The following DYNC1I1 variants were observed in gnomAD, a reference collection of about 807,000 sequenced individuals.
The protein encoded by DYNC1I1 is cytoplasmic dynein 1 intermediate chain 1.
Under a neutral mutation model 86.6 loss-of-function variants are expected in DYNC1I1, and 43 were observed. The observed-to-expected ratio is 0.50, with a 90% CI of 0.39 to 0.64. The LOEUF (loss-of-function observed/expected upper bound fraction) is 0.64, where lower values mean the gene tolerates loss of function less well. Among genes scored for constraint, DYNC1I1 ranks in the 30% least tolerant of loss-of-function variants. The pLI is 0.00. For missense variants in DYNC1I1, 604 were observed against 788.8 expected, an observed-to-expected ratio of 0.77 and a Z score of 2.81; for synonymous variants, 262 against 283.7, an observed-to-expected ratio of 0.92 and a Z score of 0.77.
intron 6 of DYNC1I1, among the ~76,000 whole-genome samples, chr7:95,878,952 A>AAG (rs1246273020): frequency 4.0e-3 from 4 of 992 alleles, no homozygotes; most frequent in South Asian, 0.25. Context: ...AGAAAAGAAG[A>AAG]AAAAAAAAAA....
intron 6 of DYNC1I1, among the ~76,000 whole-genome samples, chr7:95,889,054 T>C (rs1237324230): frequency 6.6e-6 from 1 of 152,060 alleles, no homozygotes; most frequent in East Asian, 1.9e-4. Flanking sequence ...TAAATTGAAA[T>C]AGAACATGGG....
chr7:96,075,917 T>G, intron 14 of DYNC1I1, 140 bp from the exon 15 acceptor site: 1 of 1,183,864 alleles, frequency 8.4e-7, no homozygotes, highest in Non-Finnish European at 1.2e-6. Flanking sequence ...ACATTAAAGC[T>G]CCGGTTCACC....
At chr7:95,948,652 C>T (rs1334322226) in intron 6 of DYNC1I1, among the ~76,000 whole-genome samples, 2 of 152,158 alleles carry the variant, frequency 1.3e-5, no homozygotes, top group African/African-American at 2.4e-5. Context: ...TTATTGAGTA[C>T]TTAGTCTACA....
intron 6 of DYNC1I1, among the ~76,000 whole-genome samples, chr7:95,959,956 A>G (rs1400267575): frequency 6.6e-6 from 1 of 152,210 alleles, no homozygotes; most frequent in Non-Finnish European, 1.5e-5. Context: ...TTGCATGTAG[A>G]TTAAATGGTT....
At chr7:95,870,753 G>A (rs762768331) in intron 6 of DYNC1I1, among the ~76,000 whole-genome samples, 105 of 152,256 alleles carry the variant, frequency 6.9e-4, no homozygotes, top group Non-Finnish European at 1.2e-3. Context: ...ATACACTCAT[G>A]AGAGAAGTCG....
rs1245420678 is a variant in DYNC1I1 at position 96,104,335 on chromosome 7, C to T, written c.1543-5644C>T. Among the ~76,000 whole-genome samples the T allele has an allele frequency of 4.6e-5, 7 of 151,880 alleles. No individual in the cohort carries two copies. The East Asian group carries it at 1.4e-3, about 29-fold the overall frequency. ...AGCATATGCTTTAGAACTTCATTTC[C>T]TTAATATAATATTTTGATATGCAAA... On this transcript the variant is annotated intron_variant, in intron 16 of 16. Coordinates refer to the DYNC1I1 transcript ENST00000537881.
intron 14 of DYNC1I1, among the ~76,000 whole-genome samples, chr7:96,061,968 A>G (rs1179840668): frequency 6.6e-6 from 1 of 152,172 alleles, no homozygotes; most frequent in South Asian, 2.1e-4. Context: ...TGTTTGTCCT[A>G]TAAGAGTCTT....
intron 3 of DYNC1I1, among the ~76,000 whole-genome samples, chr7:95,810,874 T>C (rs1424488051): frequency 6.6e-6 from 1 of 152,114 alleles, no homozygotes; most frequent in Non-Finnish European, 1.5e-5. Context: ...CAGTGTCTCT[T>C]TGCCAATCTA....
At chr7:95,977,437 C>T in intron 6 of DYNC1I1, 75 bp from the exon 7 acceptor site, 2 of 1,410,254 alleles carry the variant, frequency 1.4e-6, no homozygotes, top group African/African-American at 2.9e-5. Context: ...CCCTTTACCC[C>T]TACCTCCCAC....
At chr7:95,922,773 T>TACTTTTAAAAGTATTTTTAAACTACTG (rs1413516528) in intron 6 of DYNC1I1, among the ~76,000 whole-genome samples, 61 of 152,310 alleles carry the variant, frequency 4.0e-4, no homozygotes, top group African/African-American at 1.4e-3. Flanking sequence ...AAAAACTACT[T>TACTTTTAAAAGTATTTTTAAACTACTG]AAATACTTTT....
intron 14 of DYNC1I1, among the ~76,000 whole-genome samples, chr7:96,040,182 C>T (rs1043713085): frequency 4.6e-5 from 7 of 151,722 alleles, no homozygotes; most frequent in Admixed American, 3.3e-4. Context: ...TGCAGTGAGC[C>T]GAGATTGGGC....
At chr7:95,979,970 T>C (rs752540165) in intron 7 of DYNC1I1, among the ~76,000 whole-genome samples, 5 of 152,124 alleles carry the variant, frequency 3.3e-5, no homozygotes, top group African/African-American at 4.8e-5. Flanking sequence ...CTTTGCAAAA[T>C]ATTCTTAAAA....
At chr7:95,958,838 G>T (rs748397329) in intron 6 of DYNC1I1, among the ~76,000 whole-genome samples, 1 of 152,172 alleles carries the variant, frequency 6.6e-6, no homozygotes, top group Non-Finnish European at 1.5e-5. Flanking sequence ...TGCAGAAATT[G>T]AGTATCTACT....
At chr7:95,985,474 A>G (rs1050078528) in intron 8 of DYNC1I1, among the ~76,000 whole-genome samples, 1 of 152,288 alleles carries the variant, frequency 6.6e-6, no homozygotes, top group African/African-American at 2.4e-5. Context: ...ACATATTAAT[A>G]TATGTAAGAA....
intron 14 of DYNC1I1, among the ~76,000 whole-genome samples, chr7:96,071,959 T>G (rs1790178500): frequency 1.3e-5 from 2 of 152,202 alleles, no homozygotes; most frequent in African/African-American, 4.8e-5. Context: ...GAGGATATGC[T>G]TAACAGCTAG....
chr7:96,077,631 A>G (rs735341), intron 15 of DYNC1I1, among the ~76,000 whole-genome samples: 19,721 of 152,180 alleles, frequency 0.13, 1,401 homozygotes, highest in South Asian at 0.18. Flanking sequence ...GGAGAAATTC[A>G]TTCATTTAAA....
chr7:95,998,220 A>G (rs1189769264), intron 10 of DYNC1I1, among the ~76,000 whole-genome samples: 1 of 152,266 alleles, frequency 6.6e-6, no homozygotes, highest in Non-Finnish European at 1.5e-5. Context: ...GCTAGTGAGC[A>G]GTAGAGCCAA....
downstream of DYNC1I1, among the ~76,000 whole-genome samples, chr7:96,102,937 C>T (rs1020794883): frequency 3.3e-5 from 5 of 152,146 alleles, no homozygotes; most frequent in Non-Finnish European, 5.9e-5. Flanking sequence ...AAGTTGAGCC[C>T]TGTCAGCCCT....
At chr7:95,958,211 T>C (rs1265617359) in intron 6 of DYNC1I1, among the ~76,000 whole-genome samples, 1 of 152,210 alleles carries the variant, frequency 6.6e-6, no homozygotes, top group Admixed American at 6.5e-5. Context: ...GGATTCTAGA[T>C]GTGCCATTAT....
Sources: gnomAD v4.1 joint callset for allele counts (sites outside exome capture counted in the v4.1 genomes callset) on GRCh38, gnomAD v4.1.1 for gene constraint, MANE v1.5 for transcripts, NCBI Gene and HGNC (gene_info 2026-07-23, HGNC 2026-07-21) for gene names.